STRN: variants seen among roughly 807,000 people sequenced by gnomAD.
STRN encodes the protein striatin, also known as protein phosphatase 2 regulatory subunit B'''alpha.
In STRN, 53 loss-of-function variants were observed where a neutral mutation model predicts 96.3. The ratio of observed to expected loss-of-function variants is 0.55; its 90% CI spans 0.44 to 0.69. The LOEUF is 0.69. Among genes scored for constraint, STRN ranks in the 30% least tolerant of loss-of-function variants. The probability of loss-of-function intolerance (pLI) is 0.00; values close to 1 mark genes in which losing one functional copy is unlikely to be tolerated. For synonymous variants in STRN, 428 were observed against 355.9 expected, an observed-to-expected ratio of 1.20 and a Z score of -2.28; for missense variants, 987 against 963.9, an observed-to-expected ratio of 1.02 and a Z score of -0.32.
intron 8 of STRN, among the ~76,000 whole-genome samples, chr2:36,884,667 T>C (rs954487582): frequency 6.6e-6 from 1 of 152,212 alleles, no homozygotes; most frequent in Non-Finnish European, 1.5e-5. Context: ...GGTTTGTTCC[T>C]ATACCAGCAA....
At chr2:36,931,038 AAAAG>A (rs1331800277) in intron 1 of STRN, among the ~76,000 whole-genome samples, 2 of 152,058 alleles carry the variant, frequency 1.3e-5, no homozygotes, top group African/African-American at 2.4e-5. Context: ...CTCAAAAAAA[AAAAG>A]AAAAAGAAAG....
At chr2:36,854,726 T>C (rs1668302092) in intron 15 of STRN, among the ~76,000 whole-genome samples, 1 of 152,170 alleles carries the variant, frequency 6.6e-6, no homozygotes. Context: ...AAAAAGAGTC[T>C]GTAATATCTT....
chr2:36,878,447 A>G (rs1438238987), intron 9 of STRN, among the ~76,000 whole-genome samples: 2 of 152,226 alleles, frequency 1.3e-5, no homozygotes, highest in African/African-American at 4.8e-5. Flanking sequence ...AGAATATAGA[A>G]AATTTCAAAT....
chr2:36,920,289 T>C (rs1359850308), intron 2 of STRN, among the ~76,000 whole-genome samples: 1 of 152,208 alleles, frequency 6.6e-6, no homozygotes, highest in African/African-American at 2.4e-5. Flanking sequence ...TCTTAGATTA[T>C]ACAAATAGTG....
intron 15 of STRN, among the ~76,000 whole-genome samples, chr2:36,853,658 C>T (rs1035587361): frequency 1.3e-5 from 2 of 152,168 alleles, no homozygotes; most frequent in African/African-American, 4.8e-5. Context: ...TAATTTATTC[C>T]TATTCTAACA....
Position 36,869,827 on chromosome 2 carries a change from C to T in STRN, c.1324-98G>A, listed in dbSNP as rs2160379. ...TAATTCTTGCTGATGTGTCAATAAA[C>T]GATCACTTTGCAATTTTTAAAACAA... On this transcript the variant is annotated intron_variant, in intron 10 of 17. Coordinates refer to ENST00000263918, the MANE Select transcript of STRN (RefSeq NM_003162.4). 933,459 of 999,698 alleles carry T rather than the reference C, an allele frequency of 0.93. 440,205 individuals carry two copies. Among genetic ancestry groups the T allele is most frequent in the Non-Finnish European group, 0.96 (717,754 of 745,084 alleles). 61.9% of individuals were successfully genotyped at this position (999,698 alleles called of 1,614,324 possible).
At chr2:36,942,977 T>C (rs895729004) in intron 1 of STRN, among the ~76,000 whole-genome samples, 2 of 152,182 alleles carry the variant, frequency 1.3e-5, no homozygotes, top group South Asian at 4.1e-4. Context: ...ATTACAGGTG[T>C]CAGCCACCAT....
At chr2:36,932,309 T>C (rs1287775279) in intron 1 of STRN, among the ~76,000 whole-genome samples, 9 of 152,004 alleles carry the variant, frequency 5.9e-5, no homozygotes, top group Non-Finnish European at 1.0e-4. Flanking sequence ...CACCCGCCAC[T>C]GCGTCTGGCT....
intron 6 of STRN, among the ~76,000 whole-genome samples, chr2:36,895,756 CA>C (rs55863837): frequency 0.46 from 60,292 of 130,698 alleles, 13,369 homozygotes; most frequent in East Asian, 0.53. Flanking sequence ...ACTAAAAATA[CA>C]AAAAAAAAAA....
chr2:36,915,740 G>A (rs1206328850), intron 3 of STRN, among the ~76,000 whole-genome samples: 1 of 152,174 alleles, frequency 6.6e-6, no homozygotes, highest in Non-Finnish European at 1.5e-5. Context: ...AGAGCATGAT[G>A]TACTTTGTAC....
chr2:36,851,291 T>G lies in STRN; in HGVS notation c.1979-184A>C, dbSNP rs1161066335. Among the ~76,000 whole-genome samples, 3 of 151,722 alleles carry G rather than the reference T, an allele frequency of 2.0e-5. No homozygotes were observed. In the East Asian group the frequency reaches 5.8e-4, roughly 29 times the overall value. ...CGAGGTCAGGAGATCGAGACCATCC[T>G]GGCCAACATGGTGAAACCCTGTCTC... On this transcript the variant is annotated intron_variant, in intron 15 of 17. Coordinates refer to ENST00000263918, the MANE Select transcript of STRN (RefSeq NM_003162.4).
intron 9 of STRN, among the ~76,000 whole-genome samples, chr2:36,879,572 G>A (rs1017065555): frequency 2.0e-5 from 3 of 152,080 alleles, no homozygotes; most frequent in Admixed American, 1.3e-4. Flanking sequence ...TATTTAATTT[G>A]GTCAATAACA....
intron 1 of STRN, among the ~76,000 whole-genome samples, chr2:36,955,958 C>A (rs1275476424): frequency 6.6e-6 from 1 of 152,228 alleles, no homozygotes; most frequent in Non-Finnish European, 1.5e-5. Context: ...TAAATAAACT[C>A]TGTTGAAAAA....
At chr2:36,938,867 TA>T (rs1237334180) in intron 1 of STRN, among the ~76,000 whole-genome samples, 1 of 152,248 alleles carries the variant, frequency 6.6e-6, no homozygotes, top group African/African-American at 2.4e-5. Flanking sequence ...GAACATTTAT[TA>T]AAATTATATT....
intron 1 of STRN, among the ~76,000 whole-genome samples, chr2:36,943,445 T>C (rs1005431466): frequency 1.3e-5 from 2 of 152,100 alleles, no homozygotes; most frequent in South Asian, 2.1e-4. Flanking sequence ...TCTTACTATG[T>C]TACATTGTTC....
Position 36,850,984 on chromosome 2 carries a change from C to G in STRN, c.2086+16G>C, listed in dbSNP as rs753718279. Reference sequence around the variant, plus strand: ...TTTTTTGCTTTAATAAAAATCAATTCTTAATAAATTCTTACCTGTATTGTT... The same window carrying G: ...TTTTTTGCTTTAATAAAAATCAATTGTTAATAAATTCTTACCTGTATTGTT... On this transcript the variant is annotated intron_variant, in intron 16 of 17. Coordinates refer to ENST00000263918, the MANE Select transcript of STRN (RefSeq NM_003162.4). 66 of 1,471,370 alleles carry G rather than the reference C, an allele frequency of 4.5e-5. No individual in the cohort carries two copies. Among genetic ancestry groups the G allele is most frequent in the Non-Finnish European group, 5.9e-5 (65 of 1,094,054 alleles). 91.1% of individuals were successfully genotyped at this position (1,471,370 alleles called of 1,614,324 possible). A position where few individuals can be genotyped will look rare whatever the true frequency, so the allele number is the denominator to read the frequency against.
chr2:36,953,014 G>C (rs1187245934), intron 1 of STRN, among the ~76,000 whole-genome samples: 2 of 152,210 alleles, frequency 1.3e-5, no homozygotes, highest in African/African-American at 4.8e-5. Flanking sequence ...CACCGTTGTG[G>C]AATTTGACAT....
At chr2:36,894,527 G>C (rs2148189446) in intron 6 of STRN, among the ~76,000 whole-genome samples, 1 of 152,278 alleles carries the variant, frequency 6.6e-6, no homozygotes, top group African/African-American at 2.4e-5. Flanking sequence ...TAAAACTTAA[G>C]CTGAATACAT....
At chr2:36,962,294 T>C (rs951317056) in intron 1 of STRN, among the ~76,000 whole-genome samples, 4 of 152,170 alleles carry the variant, frequency 2.6e-5, no homozygotes, top group African/African-American at 9.7e-5. Context: ...TACTCAATCT[T>C]GCCACCTTTT....
Sources: allele counts gnomAD v4.1 joint callset (sites outside exome capture counted in the v4.1 genomes callset), GRCh38; gene constraint gnomAD v4.1.1; transcripts MANE v1.5; gene names NCBI Gene and HGNC (gene_info 2026-07-23, HGNC 2026-07-21).